The following MID2 variants were observed in gnomAD, a reference collection of about 807,000 sequenced individuals.
The protein encoded by MID2 is probable E3 ubiquitin-protein ligase MID2.
MID2 carries 13 observed loss-of-function variants against 46.1 expected under a neutral mutation model. The ratio of observed to expected loss-of-function variants is 0.28; its 90% confidence interval spans 0.18 to 0.45. The LOEUF is 0.45. Ranked by LOEUF, MID2 falls within the 20% of genes least tolerant of loss-of-function variation. The probability of loss-of-function intolerance (pLI) is 1.00; values close to 1 mark genes in which losing one functional copy is unlikely to be tolerated. For missense variants in MID2, 431 were observed against 575.4 expected (o/e 0.75, Z 2.57); for synonymous variants, 199 against 212.3 (o/e 0.94, Z 0.55).
At chrX:107,829,115 G>C (rs1365420065) in intron 1 of MID2, among the ~76,000 whole-genome samples, 1 of 111,953 alleles carries the variant, frequency 8.9e-6, no homozygotes, top group Non-Finnish European at 1.9e-5. Context: ...CTGAGCTTAA[G>C]GGATCCACCT....
intron 3 of MID2, among the ~76,000 whole-genome samples, chrX:107,891,914 T>C (rs1235442408): frequency 9.0e-6 from 1 of 111,643 alleles, no homozygotes; most frequent in East Asian, 2.8e-4. Context: ...ATCAGACTGT[T>C]TTCTGTCTGC....
At chrX:107,907,176 T>C (rs1321974257) in intron 5 of MID2, among the ~76,000 whole-genome samples, 2 of 112,306 alleles carry the variant, frequency 1.8e-5, no homozygotes, top group South Asian at 3.7e-4. Context: ...GAAAATCACA[T>C]AACCAAAGAG....
intron 3 of MID2, among the ~76,000 whole-genome samples, chrX:107,898,818 T>C (rs1267508183): frequency 8.9e-6 from 1 of 112,195 alleles, no homozygotes; most frequent in Non-Finnish European, 1.9e-5. Flanking sequence ...GGGCAGAAGA[T>C]TTCAGAGAAT....
intron 1 of MID2, among the ~76,000 whole-genome samples, chrX:107,832,519 G>T (rs945497155): frequency 9.0e-6 from 1 of 110,955 alleles, no homozygotes; most frequent in African/African-American, 3.3e-5. Context: ...TTTTATCCTC[G>T]TCTGATCCTC....
chrX:107,851,516 A>G (rs1469225525), intron 2 of MID2, among the ~76,000 whole-genome samples: 2 of 111,134 alleles, frequency 1.8e-5, no homozygotes, highest in Non-Finnish European at 3.8e-5. Flanking sequence ...TCTTCTAACC[A>G]GTGTCCTTCC....
intron 3 of MID2, among the ~76,000 whole-genome samples, chrX:107,876,822 C>G (rs915377484): frequency 2.5e-4 from 28 of 111,960 alleles, no homozygotes. Flanking sequence ...GAAAACTTGC[C>G]GTGATCCCCC....
chrX:107,884,115 T>A (rs73249887), intron 3 of MID2, among the ~76,000 whole-genome samples: 3,535 of 112,235 alleles, frequency 0.031, 70 homozygotes, highest in Admixed American at 0.068. Context: ...AAGTTATAAG[T>A]TCCAAATCTA....
intron 3 of MID2, among the ~76,000 whole-genome samples, chrX:107,874,247 G>T (rs1932143278): frequency 9.0e-6 from 1 of 111,138 alleles, no homozygotes; most frequent in South Asian, 3.9e-4. Flanking sequence ...GGAGGGACAG[G>T]TTCTTAATTG....
intron 2 of MID2, among the ~76,000 whole-genome samples, chrX:107,848,113 C>G (rs1042631559): frequency 9.0e-6 from 1 of 111,047 alleles, no homozygotes; most frequent in Admixed American, 9.6e-5. Flanking sequence ...GAGTCCTCAG[C>G]GTGGTGGTAG....
intron 2 of MID2, among the ~76,000 whole-genome samples, chrX:107,842,611 A>T (rs1455055725): frequency 4.5e-5 from 5 of 112,024 alleles, no homozygotes; most frequent in Non-Finnish European, 7.5e-5. Flanking sequence ...TTGTCCTGTA[A>T]TTTGTTGCAA....
chrX:107,909,086 C>T (rs1410087259), intron 5 of MID2, among the ~76,000 whole-genome samples: 2 of 111,266 alleles, frequency 1.8e-5, no homozygotes, highest in African/African-American at 3.3e-5. Context: ...TTTTCTCTTT[C>T]GGGATGCTGT....
chrX:107,910,801 TC>T (rs1001672316), intron 5 of MID2, among the ~76,000 whole-genome samples: 1 of 22,073 alleles, frequency 4.5e-5, no homozygotes, highest in African/African-American at 6.3e-4. Flanking sequence ...TCCTTTCCTT[TC>T]CTTTCCTTTC....
intron 3 of MID2, among the ~76,000 whole-genome samples, chrX:107,862,648 T>C (rs1482947782): frequency 8.9e-6 from 1 of 112,742 alleles, no homozygotes; most frequent in African/African-American, 3.2e-5. Context: ...CCCATTATCC[T>C]GCCCAAATTC....
At chrX:107,882,674 A>T (rs1932348633) in intron 3 of MID2, among the ~76,000 whole-genome samples, 1 of 111,976 alleles carries the variant, frequency 8.9e-6, no homozygotes, top group Non-Finnish European at 1.9e-5. Flanking sequence ...CACCAGTTAG[A>T]ATGGCGATCA....
chrX:107,827,081 G>T (rs1930973068), intron 1 of MID2, among the ~76,000 whole-genome samples: 1 of 112,767 alleles, frequency 8.9e-6, no homozygotes, highest in Non-Finnish European at 1.9e-5. Context: ...GGAGAGTGGG[G>T]ATTTTCCATT....
chrX:107,924,342 G>T lies in MID2; in HGVS notation c.1436-1G>T. 8.3e-7 allele frequency: 1 copy of T among 1,207,444 alleles called. No homozygotes were observed. Among genetic ancestry groups the T allele is most frequent in the Non-Finnish European group, 1.1e-6 (1 of 892,343 alleles). On this transcript the variant is annotated splice_acceptor_variant, in intron 7 of 9. Transcript: ENST00000262843. LOFTEE classifies it high-confidence loss of function. ...TGTCCTTGTCTTTCCCCATGTTACA[G>T]GCCTGTATAATTCAGTAGACAGCTG...
intron 3 of MID2, among the ~76,000 whole-genome samples, chrX:107,884,709 A>T (rs1348571474): frequency 9.2e-6 from 1 of 109,216 alleles, no homozygotes; most frequent in Non-Finnish European, 2.0e-5. Flanking sequence ...CAAAACAAAA[A>T]CAGGGCAGAT....
chrX:107,915,903 A>G, intron 5 of MID2, 99 bp from the exon 6 acceptor site: 1 of 813,376 alleles, frequency 1.2e-6, no homozygotes, highest in South Asian at 2.5e-5. Context: ...ATCAAGCCTT[A>G]CAAGTCATTT....
intron 3 of MID2, among the ~76,000 whole-genome samples, chrX:107,887,333 AG>A (rs1206419675): frequency 5.4e-5 from 6 of 112,059 alleles, no homozygotes; most frequent in African/African-American, 1.3e-4. Flanking sequence ...TTTAGCATGA[AG>A]GGTTGTTGAA....
Sources: gnomAD v4.1 joint callset for allele counts (sites outside exome capture counted in the v4.1 genomes callset) on GRCh38, gnomAD v4.1.1 for gene constraint, MANE v1.5 for transcripts, NCBI Gene and HGNC (gene_info 2026-07-23, HGNC 2026-07-21) for gene names.